The following LENG9 variants were observed in gnomAD, a reference collection of about 807,000 sequenced individuals.
The protein encoded by LENG9 is leukocyte receptor cluster member 9.
For synonymous variants in LENG9, 410 were observed against 303.9 expected (o/e 1.35, Z -3.63); for missense variants, 872 against 652.7 (o/e 1.34, Z -3.66).
In LENG9 at chr19:54,462,711, G is replaced by A. The variant is rs376993009; in HGVS notation, c.816C>T (p.Ala272=). The change falls in exon 1 of 1, where the codon GCC becomes GCT. Residue 272 remains alanine, a synonymous_variant. Transcript: ENST00000611161. ...VPGGSAETTE[A]EWGPAAWPED... ...CGGGCCAGGCCGCAGGACCCCACTC[G>A]GCTTCTGTCGTCTCAGCGGAGCCCC... 162 of 1,610,696 alleles carry A rather than the reference G, an allele frequency of 1.0e-4. 2 individuals are homozygous for A. Among genetic ancestry groups the A allele is most frequent in the East Asian group, 7.6e-4 (34 of 44,888 alleles).
At position 54,462,145 on chromosome 19, in the gene LENG9, C is replaced by T. The variant is rs372388631; in HGVS notation, c.1382G>A (p.Arg461His). 60 of 1,603,446 alleles carry T rather than the reference C, an allele frequency of 3.7e-5. No homozygotes were observed. Among genetic ancestry groups the T allele is most frequent in the African/African-American group, 2.4e-4 (18 of 74,912 alleles). Residue 461 changes from arginine (R) to histidine (H), a missense_variant, in exon 1 of 1, where the codon CGT becomes CAT. By Grantham distance (29) the Arg-to-His change is conservative. Transcript: ENST00000611161. ...GAAAGGCCCCCCTGTCCTCCCTATA[C>T]GGCACAGCCAGAGTGTCTGCAGGGG... Reference protein sequence around the residue: ...CQPLQTLWLCRIGRTGGPFQP... With the variant: ...CQPLQTLWLCHIGRTGGPFQP...
rs575208509 is a variant in LENG9, at chr19:54,462,784, C to T, written c.743G>A (p.Arg248Lys). The change falls in exon 1 of 1, where the codon AGG (arginine) becomes AAG (lysine). Residue 248 changes from arginine to lysine, a missense_variant. Arg to Lys is a conservative substitution (Grantham distance 26). Transcript: ENST00000611161. The part of the protein sequence containing the change: ...TEALKPTAAT[R>K]TTLLGGKEAQ... ...TTCCTTGCCCCCCAGCAATGTGGTC[C>T]TGGTGGCTGCTGTTGGCTTCAGTGC... 8 of 1,603,444 alleles carry T rather than the reference C, an allele frequency of 5.0e-6. No homozygotes were observed. In the African/African-American group the frequency reaches 8.4e-5, roughly 17 times the overall value.
At position 54,463,441 on chromosome 19, in the gene LENG9, T is replaced by C; in HGVS notation, c.86A>G (p.Glu29Gly). The change falls in exon 1 of 1, where the codon GAA becomes GGA. Residue 29 changes from glutamate (E) to glycine (G), a missense_variant. By Grantham distance (98) the Glu-to-Gly change is moderately conservative (BLOSUM62 -2). Coordinates refer to ENST00000611161, the MANE Select transcript of LENG9 (RefSeq NM_001301782.2). ...GCGGGCGCCGAAGCGGCAGCGGCCTTCCAGGAAGAAGCGGCAGGCCGGCGG... is the reference window on the plus strand; with the variant it reads ...GCGGGCGCCGAAGCGGCAGCGGCCTCCCAGGAAGAAGCGGCAGGCCGGCGG... ...APPPACRFFL[E>G]GRCRFGARCR... is the part of the protein sequence containing the mutation. 7.9e-7 allele frequency: 1 copy of C among 1,261,694 alleles called. No homozygotes were observed. Among genetic ancestry groups the C allele is most frequent in the Non-Finnish European group, 1.0e-6 (1 of 1,003,662 alleles). The allele number at this position is 1,261,694 out of a possible 1,614,324, so 78.2% of individuals were successfully genotyped here.
At position 54,462,974 on chromosome 19, in the gene LENG9, G is replaced by A. The variant is rs1215317634; in HGVS notation, c.553C>T (p.Gln185Ter). ...WTLAGTGQEA[Q>*]AAPKRGSTRP... ...GTGCTCCCTCGCTTGGGGGCAGCCTGGGCCTCCTGACCTGTCCCCGCCAGT... is the reference window on the plus strand; with the variant it reads ...GTGCTCCCTCGCTTGGGGGCAGCCTAGGCCTCCTGACCTGTCCCCGCCAGT... The change falls in exon 1 of 1, where the codon CAG becomes TAG. Residue 185 changes from glutamine (Q) to a stop codon, truncating the protein, a stop_gained. Coordinates refer to ENST00000611161, the MANE Select transcript of LENG9 (RefSeq NM_001301782.2). LOFTEE classifies it low-confidence loss of function (END_TRUNC). 1.2e-6 allele frequency: 2 copies of A among 1,607,552 alleles called. No individual in the cohort carries two copies. Among genetic ancestry groups the A allele is most frequent in the Non-Finnish European group, 1.7e-6 (2 of 1,179,572 alleles).
Position 54,462,914 on chromosome 19 carries a change from C to A in LENG9, c.613G>T (p.Val205Leu). Residue 205 changes from valine (V) to leucine (L), a missense_variant, in exon 1 of 1, where the codon GTG becomes TTG. Physicochemically the swap from Val to Leu is conservative, Grantham distance 32 (BLOSUM62 1). Coordinates refer to ENST00000611161, the MANE Select transcript of LENG9 (RefSeq NM_001301782.2). The part of the protein sequence containing the change: ...PLCTGHQEPG[V>L]EEPGELEAAQ... Reference sequence around the variant, plus strand: ...GCCTCCAGCTCTCCGGGTTCCTCCACGCCTGGTTCCTGGTGCCCTGTGCAG... The same window carrying A: ...GCCTCCAGCTCTCCGGGTTCCTCCAAGCCTGGTTCCTGGTGCCCTGTGCAG... 6.2e-7 allele frequency: 1 copy of A among 1,612,566 alleles called. No homozygotes were observed. Among genetic ancestry groups the A allele is most frequent in the East Asian group, 2.2e-5 (1 of 44,856 alleles).
At position 54,462,338 on chromosome 19, in the gene LENG9, C is replaced by G. The variant is rs748294881; in HGVS notation, c.1189G>C (p.Glu397Gln). ...TGGCTCAGCACTTGTGCCATGCTTT[C>G]CAGTGTGGGAGAGGGTGGGGCACAC... ...VLCAPPSPTL[E>Q]SMAQVLSQRL... Residue 397 changes from glutamate to glutamine, a missense_variant, in exon 1 of 1, where the codon GAA becomes CAA. Physicochemically the swap from Glu to Gln is conservative, Grantham distance 29 (BLOSUM62 2). Coordinates refer to ENST00000611161, the MANE Select transcript of LENG9 (RefSeq NM_001301782.2). 1.2e-6 allele frequency: 2 copies of G among 1,608,382 alleles called. No individual in the cohort carries two copies. The highest frequency in any genetic ancestry group is 8.5e-7 in the Non-Finnish European group (1 of 1,176,338).
chr19:54,462,884 G>C lies in LENG9; in HGVS notation c.643C>G (p.Gln215Glu), dbSNP rs1400672410. The change falls in exon 1 of 1, where the codon CAG (glutamine) becomes GAG (glutamate). Residue 215 changes from glutamine to glutamate, a missense_variant. By Grantham distance (29) the Gln-to-Glu change is conservative (BLOSUM62 2). Transcript: ENST00000611161. ...GCAGCTGTGCCCAGCGCCCTCTCCT[G>C]GGCCGCCTCCAGCTCTCCGGGTTCC... ...VEEPGELEAA[Q>E]ERALGTAADL... 6.2e-7 allele frequency: 1 copy of C among 1,612,698 alleles called. No homozygotes were observed. Among genetic ancestry groups the C allele is most frequent in the Admixed American group, 1.7e-5 (1 of 60,026 alleles).
chr19:54,463,197 C>T lies in LENG9; in HGVS notation c.330G>A (p.Leu110=). 2 of 1,561,936 alleles carry T rather than the reference C, an allele frequency of 1.3e-6. No homozygotes were observed. Among genetic ancestry groups the T allele is most frequent in the Non-Finnish European group, 1.7e-6 (2 of 1,160,308 alleles). The change falls in exon 1 of 1, where the codon CTG becomes CTA. Residue 110 remains leucine (L), a synonymous_variant. Transcript: ENST00000611161. ...CCAGCACGCCCGGCCCGAGCGCCGC[C>T]AGCGGCTGGTCCCAGCAAAAGGCGC... is the stretch of plus-strand genomic sequence containing the variant. ...PFSAFCWDQP[L]AALGPGVLAV... is the part of the protein sequence containing the mutation.
chr19:54,462,612 C>T lies in LENG9; in HGVS notation c.915G>A (p.Val305=), dbSNP rs145949012. ...PRPTHFVALM[V]TEPGLQAEVT... is the part of the protein sequence containing the mutation. Reference sequence around the variant, plus strand: ...CTTCTGCTTGTAGCCCAGGCTCGGTCACCATGAGGGCCACAAAATGTGTGG... The same window carrying T: ...CTTCTGCTTGTAGCCCAGGCTCGGTTACCATGAGGGCCACAAAATGTGTGG... The change falls in exon 1 of 1, where the codon GTG becomes GTA. Residue 305 remains valine (V), a synonymous_variant. Transcript: ENST00000611161. The T allele has an allele frequency of 2.0e-3, 3,149 of 1,613,820 alleles. 12 individuals carry two copies. Among genetic ancestry groups the T allele is most frequent in the Non-Finnish European group, 1.8e-3 (2,070 of 1,180,036 alleles).
chr19:54,461,963 T>C lies in LENG9; in HGVS notation c.*127A>G. 9.2e-7 allele frequency: 1 copy of C among 1,087,562 alleles called. No individual in the cohort carries two copies. The highest frequency in any genetic ancestry group is 1.3e-5 in the South Asian group (1 of 75,778). 67.4% of individuals were successfully genotyped at this position (1,087,562 alleles called of 1,614,324 possible). On this transcript the variant is annotated 3_prime_UTR_variant, in exon 1 of 1. Coordinates refer to ENST00000611161, the MANE Select transcript of LENG9 (RefSeq NM_001301782.2). Reference sequence around the variant, plus strand: ...TCCTTCCTTCCTTTCCTTGGAGCACTGAGCACCATTTGGAAGCTTGAGAGA... The same window carrying C: ...TCCTTCCTTCCTTTCCTTGGAGCACCGAGCACCATTTGGAAGCTTGAGAGA...
chr19:54,461,862 G>T lies in LENG9; in HGVS notation c.*228C>A. On this transcript the variant is annotated 3_prime_UTR_variant, in exon 1 of 1. Coordinates refer to ENST00000611161, the MANE Select transcript of LENG9 (RefSeq NM_001301782.2). The stretch of plus-strand genomic sequence containing the variant: ...AGGATGTGCTATGAGTTTGCAAACA[G>T]CTGGACTGTCAGGCTGCTTTTTTTC... 1.8e-6 allele frequency: 1 copy of T among 555,726 alleles called. No individual in the cohort carries two copies. Among genetic ancestry groups the T allele is most frequent in the Non-Finnish European group, 3.5e-6 (1 of 283,770 alleles). The allele number at this position is 555,726 out of a possible 1,614,324, so 34.4% of individuals were successfully genotyped here. A position where few individuals can be genotyped will look rare whatever the true frequency, so the allele number is the denominator to read the frequency against.
In LENG9 at chr19:54,463,331, TGCGCA is replaced by T; in HGVS notation, c.191_195del (p.Leu64HisfsTer159). 1.4e-6 allele frequency: 2 copies of T among 1,475,756 alleles called. No individual in the cohort carries two copies. The highest frequency in any genetic ancestry group is 1.8e-6 in the Non-Finnish European group (2 of 1,117,694). 91.4% of individuals were successfully genotyped at this position (1,475,756 alleles called of 1,614,324 possible). Reference sequence around the variant, plus strand: ...ATGCGCTGGATGACGTCCGCGGCTGTGCGCAGCGGCGGCTTCTTGGCCCCGGCCTC... The same window carrying T: ...ATGCGCTGGATGACGTCCGCGGCTGTGCGGCGGCTTCTTGGCCCCGGCCTC... On this transcript the variant is annotated frameshift_variant, in exon 1 of 1. Transcript: ENST00000611161. LOFTEE classifies it low-confidence loss of function (END_TRUNC).
At position 54,462,813 on chromosome 19, in the gene LENG9, A is replaced by G; in HGVS notation, c.714T>C (p.Thr238=). ...TGGCTGCTGTTGGCTTCAGTGCCTC[A>G]GTCACTCCGGCGAGGCGTCCTCTTG... ...LAPRGRLAGV[T]EALKPTAATR... is the part of the protein sequence containing the mutation. The change falls in exon 1 of 1, where the codon ACT becomes ACC. Residue 238 remains threonine (T), a synonymous_variant. Coordinates refer to ENST00000611161, the MANE Select transcript of LENG9 (RefSeq NM_001301782.2). 1.3e-6 allele frequency: 2 copies of G among 1,522,488 alleles called. No individual in the cohort carries two copies. The highest frequency in any genetic ancestry group is 1.2e-5 in the South Asian group (1 of 85,122). 94.3% of individuals were successfully genotyped at this position (1,522,488 alleles called of 1,614,324 possible).
In LENG9 at chr19:54,461,878, G is replaced by C; in HGVS notation, c.*212C>G. On this transcript the variant is annotated 3_prime_UTR_variant, in exon 1 of 1. Transcript: ENST00000611161. ...TTGCAAACAGCTGGACTGTCAGGCT[G>C]CTTTTTTTCCAGATGTTCCTCCTCT... 1.4e-6 allele frequency: 1 copy of C among 730,532 alleles called. No homozygotes were observed. Among genetic ancestry groups the C allele is most frequent in the East Asian group, 2.7e-5 (1 of 36,766 alleles). The allele number at this position is 730,532 out of a possible 1,614,324, so 45.3% of individuals were successfully genotyped here. A position where few individuals can be genotyped will look rare whatever the true frequency, so the allele number is the denominator to read the frequency against.
At position 54,463,743 on chromosome 19, in the gene LENG9, C is replaced by T; in HGVS notation, c.-217G>A. The T allele has an allele frequency of 1.8e-6, 1 of 569,686 alleles. No individual in the cohort carries two copies. The highest frequency in any genetic ancestry group is 3.8e-5 in the East Asian group (1 of 26,444). The allele number at this position is 569,686 out of a possible 1,614,324, so 35.3% of individuals were successfully genotyped here. A position where few individuals can be genotyped will look rare whatever the true frequency, so the allele number is the denominator to read the frequency against. On this transcript the variant is annotated 5_prime_UTR_variant, in exon 1 of 1. Transcript: ENST00000611161. ...GCTGCTCTGGGACTTCCCGGCTGCGCCCTCCCCCAGCGCCAGGAAAGCAAG... is the reference window on the plus strand; with the variant it reads ...GCTGCTCTGGGACTTCCCGGCTGCGTCCTCCCCCAGCGCCAGGAAAGCAAG...
Position 54,463,399 on chromosome 19 carries a change from G to C in LENG9, c.128C>G (p.Pro43Arg), listed in dbSNP as rs1456167361. The C allele has an allele frequency of 7.9e-7, 1 of 1,261,766 alleles. No homozygotes were observed. The highest frequency in any genetic ancestry group is 9.9e-7 in the Non-Finnish European group (1 of 1,005,526). The allele number at this position is 1,261,766 out of a possible 1,614,324, so 78.2% of individuals were successfully genotyped here. A position where few individuals can be genotyped will look rare whatever the true frequency, so the allele number is the denominator to read the frequency against. The stretch of plus-strand genomic sequence containing the variant: ...GCGGCCAGGCGGCGCCGGCGCCCCA[G>C]GGTGGGGCTGGCGGCAGCGGGCGCC... ...RFGARCRQPH[P>R]GAPAPPGREA... Residue 43 changes from proline to arginine, a missense_variant, in exon 1 of 1, where the codon CCT (proline) becomes CGT (arginine). Pro to Arg is a moderately radical substitution (Grantham distance 103, BLOSUM62 -2). Transcript: ENST00000611161.
chr19:54,462,198 G>A lies in LENG9; in HGVS notation c.1329C>T (p.Phe443=). ...GGCACCCCACTTCCTGGCTGAGGGT[G>A]AACTCCAGCTTGGGGAGGTGGACCT... The part of the protein sequence containing the change: ...GSQVHLPKLE[F]TLSQEVGCQP... Residue 443 remains phenylalanine, a synonymous_variant, in exon 1 of 1, where the codon TTC becomes TTT. Transcript: ENST00000611161. The A allele has an allele frequency of 3.7e-6, 6 of 1,613,538 alleles. No homozygotes were observed. The highest frequency in any genetic ancestry group is 5.1e-6 in the Non-Finnish European group (6 of 1,179,698).
rs1419908931 is a variant in LENG9, at chr19:54,462,783, C to G, written c.744G>C (p.Arg248Ser). ...CTTCCTTGCCCCCCAGCAATGTGGT[C>G]CTGGTGGCTGCTGTTGGCTTCAGTG... ...TEALKPTAAT[R>S]TTLLGGKEAQ... The change falls in exon 1 of 1, where the codon AGG becomes AGC. Residue 248 changes from arginine to serine, a missense_variant. Transcript: ENST00000611161. 1.9e-6 allele frequency: 3 copies of G among 1,606,890 alleles called. No individual in the cohort carries two copies. The South Asian group carries it at 3.3e-5, about 18-fold the overall frequency.
Position 54,462,015 on chromosome 19 carries a change from A to C in LENG9, c.*75T>G, listed in dbSNP as rs565801495. 1.4e-5 allele frequency: 20 copies of C among 1,462,244 alleles called. No homozygotes were observed. The highest frequency in any genetic ancestry group is 2.8e-5 in the African/African-American group (2 of 70,912). The allele number at this position is 1,462,244 out of a possible 1,614,324, so 90.6% of individuals were successfully genotyped here. ...ACCAAAATTAAAGAGAGAAAGAGAG[A>C]GCGTGCACGCTCCTGCTTTGTCTTT... is the stretch of plus-strand genomic sequence containing the variant. On this transcript the variant is annotated 3_prime_UTR_variant, in exon 1 of 1. Transcript: ENST00000611161.
Sources: allele counts gnomAD v4.1 joint callset, GRCh38; gene constraint gnomAD v4.1.1; transcripts MANE v1.5; gene names NCBI Gene and HGNC (gene_info 2026-07-23, HGNC 2026-07-21).